The following VPS13A variants were observed in gnomAD, a reference collection of about 807,000 sequenced individuals.
VPS13A encodes the protein intermembrane lipid transfer protein VPS13A.
VPS13A carries 264 observed loss-of-function variants against 390.9 expected under a neutral mutation model. That is an observed-to-expected ratio of 0.68 (90% CI 0.61 to 0.75). The LOEUF is 0.75. VPS13A is among the 30% of genes least tolerant of loss of function. VPS13A has a pLI of 0.00. For missense variants in VPS13A, 3,409 were observed against 3,733.9 expected, an observed-to-expected ratio of 0.91 and a Z score of 2.27; for synonymous variants, 1,231 against 1,227.1, an observed-to-expected ratio of 1.00 and a Z score of -0.07.
At chr9:77,346,077 C>T (rs1831135728) in intron 52 of VPS13A, among the ~76,000 whole-genome samples, 1 of 152,102 alleles carries the variant, frequency 6.6e-6, no homozygotes, top group Non-Finnish European at 1.5e-5. Context: ...GCTTTTAGTT[C>T]TTTAAGGAAT....
intron 59 of VPS13A, 86 bp downstream of exon 59, chr9:77,360,727 T>G: frequency 9.6e-7 from 1 of 1,037,358 alleles, no homozygotes. Context: ...AATGACTTTG[T>G]TGCATTTTAA....
intron 12 of VPS13A, among the ~76,000 whole-genome samples, 193 bp downstream of exon 12, chr9:77,220,576 C>G (rs1238239424): frequency 6.6e-6 from 1 of 152,038 alleles, no homozygotes; most frequent in African/African-American, 2.4e-5. Context: ...GGGATTCTTG[C>G]TAACACAGTT....
intron 22 of VPS13A, among the ~76,000 whole-genome samples, chr9:77,257,072 C>T (rs117143103): frequency 0.013 from 1,953 of 152,148 alleles, 17 homozygotes; most frequent in African/African-American, 0.018. Context: ...TTTGATCCCT[C>T]ATTTCCTCCT....
chr9:77,210,622 A>G lies in VPS13A; in HGVS notation c.502A>G (p.Asn168Asp), dbSNP rs1825927914. 6.2e-7 allele frequency: 1 copy of G among 1,613,642 alleles called. No homozygotes were observed. The highest frequency in any genetic ancestry group is 1.3e-5 in the African/African-American group (1 of 74,888). The change falls in exon 7 of 72, where the codon AAT (asparagine) becomes GAT (aspartate). Residue 168 changes from asparagine (N) to aspartate (D), a missense_variant. Around this residue, in one of 5 missense-constraint regions of VPS13A, gnomAD observed 2,717 missense variants for 2,917.4 expected, o/e 0.93. Transcript: ENST00000360280. ...TACTTTCTTTCCTCTTTAGATCACA[A>G]ATCGGGACAAACCGCTGTCATTTGG... is the stretch of plus-strand genomic sequence containing the variant. ...IHIRYEDDIT[N>D]RDKPLSFGIS...
chr9:77,414,871 G>C (rs553874270), intron 71 of VPS13A, among the ~76,000 whole-genome samples: 1 of 152,076 alleles, frequency 6.6e-6, no homozygotes, highest in Non-Finnish European at 1.5e-5. Flanking sequence ...AACACTCTGC[G>C]TTGATCCTGG....
chr9:77,344,138 T>G lies in VPS13A; in HGVS notation c.7027-15T>G. On this transcript the variant is annotated splice_polypyrimidine_tract_variant and intron_variant, in intron 50 of 71. Coordinates refer to ENST00000360280, the MANE Select transcript of VPS13A (RefSeq NM_033305.3). The stretch of plus-strand genomic sequence containing the variant: ...ATCTGTTTATTTTTATAAACATATA[T>G]AATGTATATTTTAGTGTATCCCCTT... The G allele has an allele frequency of 6.4e-7, 1 of 1,552,850 alleles. No homozygotes were observed. Among genetic ancestry groups the G allele is most frequent in the Non-Finnish European group, 8.9e-7 (1 of 1,126,352 alleles).
intron 17 of VPS13A, 98 bp downstream of exon 17, chr9:77,228,362 A>G: frequency 8.5e-7 from 1 of 1,170,846 alleles, no homozygotes; most frequent in Admixed American, 2.7e-5. Context: ...AGAGCACTAT[A>G]GTTTCATATA....
chr9:77,351,475 A>C (rs375562874), intron 53 of VPS13A, 29 bp downstream of exon 53: 284 of 1,609,744 alleles, frequency 1.8e-4, no homozygotes, highest in Non-Finnish European at 2.3e-4. Flanking sequence ...TGGTGTTCCC[A>C]GCAGCCTTTT....
At chr9:77,247,175 T>C (rs1328785947) in intron 19 of VPS13A, 84 bp from the exon 20 acceptor site, 1 of 1,143,784 alleles carries the variant, frequency 8.7e-7, no homozygotes, top group Non-Finnish European at 1.2e-6. Flanking sequence ...TTAAGATTGT[T>C]TTATCAGTTC....
chr9:77,252,714 G>A (rs1213245671), intron 22 of VPS13A, among the ~76,000 whole-genome samples: 1 of 152,028 alleles, frequency 6.6e-6, no homozygotes, highest in Non-Finnish European at 1.5e-5. Context: ...ACTATTTTAG[G>A]TGCCTCATAT....
chr9:77,201,417 A>G lies in VPS13A; in HGVS notation c.187+10A>G. 1 of 1,607,218 alleles carries G rather than the reference A, an allele frequency of 6.2e-7. No individual in the cohort carries two copies. Among genetic ancestry groups the G allele is most frequent in the South Asian group, 1.1e-5 (1 of 90,842 alleles). On this transcript the variant is annotated intron_variant, in intron 3 of 71. Transcript: ENST00000360280. ...AAAGTTGGTCACATAGGTAAGCCATATTCATTATTGGGATATCCTCCTTCC... is the reference window on the plus strand; with the variant it reads ...AAAGTTGGTCACATAGGTAAGCCATGTTCATTATTGGGATATCCTCCTTCC...
chr9:77,318,325 A>T lies in VPS13A; in HGVS notation c.5047A>T (p.Thr1683Ser). 1.9e-6 allele frequency: 3 copies of T among 1,612,758 alleles called. No homozygotes were observed. The highest frequency in any genetic ancestry group is 2.5e-6 in the Non-Finnish European group (3 of 1,179,654). The change falls in exon 41 of 72, where the codon ACT becomes TCT. Residue 1683 changes from threonine (T) to serine (S), a missense_variant. Physicochemically the swap from Thr to Ser is moderately conservative, Grantham distance 58. Transcript: ENST00000360280. ...ETIPEETASS[T>S]AHLWEKKDTK... ...CATCCCAGAAGAAACGGCTTCTTCTACTGCACATTTATGGGAAAAGAAGGA... is the reference window on the plus strand; with the variant it reads ...CATCCCAGAAGAAACGGCTTCTTCTTCTGCACATTTATGGGAAAAGAAGGA...
chr9:77,304,986 T>C (rs1342965783), intron 34 of VPS13A, among the ~76,000 whole-genome samples: 1 of 151,714 alleles, frequency 6.6e-6, no homozygotes, highest in Non-Finnish European at 1.5e-5. Context: ...TTGCCCAGGC[T>C]GGAGTGCAGT....
At chr9:77,342,806 G>A (rs1022812570) in intron 50 of VPS13A, among the ~76,000 whole-genome samples, 1 of 152,162 alleles carries the variant, frequency 6.6e-6, no homozygotes, top group African/African-American at 2.4e-5. Context: ...GTAAGCAGGA[G>A]GCTAAATCAG....
intron 33 of VPS13A, among the ~76,000 whole-genome samples, chr9:77,299,501 T>C (rs1165522083): frequency 6.6e-6 from 1 of 152,138 alleles, no homozygotes; most frequent in Non-Finnish European, 1.5e-5. Context: ...GCAACCATTG[T>C]GGAAAACAGT....
chr9:77,207,372 CAT>C (rs911806379), intron 5 of VPS13A, among the ~76,000 whole-genome samples: 2 of 148,512 alleles, frequency 1.3e-5, no homozygotes, highest in African/African-American at 4.9e-5. Flanking sequence ...ATATATATGA[CAT>C]ATATAATATA....
chr9:77,179,605 A>C (rs1823880568), intron 1 of VPS13A, among the ~76,000 whole-genome samples: 2 of 152,008 alleles, frequency 1.3e-5, no homozygotes, highest in Middle Eastern at 3.5e-3. Context: ...CGTCATAAAC[A>C]TTCACGTACG....
At chr9:77,262,467 A>T (rs1825811784) in intron 23 of VPS13A, among the ~76,000 whole-genome samples, 1 of 152,050 alleles carries the variant, frequency 6.6e-6, no homozygotes, top group Non-Finnish European at 1.5e-5. Flanking sequence ...AAGTTCTGGG[A>T]TACATGTGCA....
In VPS13A at chr9:77,371,163, G is replaced by A. The variant is rs1832726737; in HGVS notation, c.9077+14G>A. ...GGGAATAAAAAGGTAAATCCTCTTT[G>A]GTGTAAGATATGAGTTAAAATGCTG... On this transcript the variant is annotated intron_variant, in intron 67 of 71. Transcript: ENST00000360280. 2 of 1,613,598 alleles carry A rather than the reference G, an allele frequency of 1.2e-6. No individual in the cohort carries two copies. Among genetic ancestry groups the A allele is most frequent in the South Asian group, 2.2e-5 (2 of 91,022 alleles).
Sources: gnomAD v4.1 joint callset for allele counts (sites outside exome capture counted in the v4.1 genomes callset) on GRCh38, gnomAD v4.1.1 for gene constraint, gnomAD v4.1.1 regional missense constraint, MANE v1.5 for transcripts, NCBI Gene and HGNC (gene_info 2026-07-23, HGNC 2026-07-21) for gene names.